OTOA: variants seen among roughly 807,000 people sequenced by gnomAD.
OTOA encodes otoancorin.
A neutral mutation model predicts 110.8 loss-of-function variants in OTOA; 70 were observed. That is an observed-to-expected ratio of 0.63 (90% CI 0.52 to 0.77). The LOEUF (loss-of-function observed/expected upper bound fraction) is 0.77. Ranked by LOEUF, OTOA falls within the 30% of genes least tolerant of loss-of-function variation. The pLI is 0.00. For synonymous variants in OTOA, 373 were observed against 431.5 expected, an observed-to-expected ratio of 0.86 and a Z score of 1.68; for missense variants, 917 against 1,075.8, an observed-to-expected ratio of 0.85 and a Z score of 2.06.
At chr16:21,676,991 G>A (rs773621235) in intron 1 of OTOA, among the ~76,000 whole-genome samples, 3 of 152,256 alleles carry the variant, frequency 2.0e-5, no homozygotes, top group South Asian at 2.1e-4. Context: ...AAGGCAGGAC[G>A]GTTTATCCAT....
At chr16:21,667,391 A>T (rs1966842600) in intron 1 of OTOA, among the ~76,000 whole-genome samples, 1 of 152,158 alleles carries the variant, frequency 6.6e-6, no homozygotes. Flanking sequence ...GCGGTGGCTC[A>T]CGCCTGTAAT....
intron 10 of OTOA, among the ~76,000 whole-genome samples, chr16:21,700,262 A>G (rs1307367063): frequency 6.6e-6 from 1 of 152,220 alleles, no homozygotes; most frequent in African/African-American, 2.4e-5. Flanking sequence ...TCAAAGCAGA[A>G]AGTTTGTGGA....
intron 14 of OTOA, 123 bp downstream of exon 14, chr16:21,715,275 G>A: frequency 1.5e-6 from 2 of 1,358,582 alleles, no homozygotes; most frequent in Admixed American, 1.7e-5. Context: ...GTTGGTGTCT[G>A]GGGTGGCTCT....
At position 21,687,654 on chromosome 16, in the gene OTOA, T is replaced by C; in HGVS notation, c.635+6T>C. 1 of 1,594,522 alleles carries C rather than the reference T, an allele frequency of 6.3e-7. No homozygotes were observed. Among genetic ancestry groups the C allele is most frequent in the Non-Finnish European group, 8.6e-7 (1 of 1,169,042 alleles). On this transcript the variant is annotated splice_donor_region_variant and intron_variant, in intron 8 of 28. Transcript: ENST00000646100. ...GAGGATGCCTTTAAGAACCTGTGAG[T>C]GGTTCCTCCGAACTTTTTTTTTTTT...
intron 11 of OTOA, 106 bp from the exon 12 acceptor site, chr16:21,705,063 C>T (rs769964178): frequency 6.4e-7 from 1 of 1,567,264 alleles, no homozygotes; most frequent in Admixed American, 1.7e-5. Context: ...ACCTGGGAGT[C>T]CGTGGCAACT....
intron 22 of OTOA, among the ~76,000 whole-genome samples, chr16:21,739,522 G>A (rs1899476533): frequency 1.3e-5 from 2 of 152,306 alleles, no homozygotes; most frequent in South Asian, 4.1e-4. Context: ...TGGGGCTCGG[G>A]AAATACCCTG....
intron 9 of OTOA, among the ~76,000 whole-genome samples, chr16:21,692,976 C>CA (rs1177817457): frequency 6.7e-6 from 1 of 149,286 alleles, no homozygotes; most frequent in Non-Finnish European, 1.5e-5. Context: ...AAATTGGGGC[C>CA]AAGTGCGGTG....
chr16:21,666,122 C>T (rs1202378192), intron 1 of OTOA, among the ~76,000 whole-genome samples: 1 of 152,108 alleles, frequency 6.6e-6, no homozygotes, highest in Non-Finnish European at 1.5e-5. Context: ...AAAGCCTGGG[C>T]CTACTGGACT....
rs1478880183 is a variant in OTOA, at chr16:21,705,245, A to T, written c.1057A>T (p.Met353Leu). The change falls in exon 12 of 29, where the codon ATG (methionine) becomes TTG (leucine). Residue 353 changes from methionine to leucine, a missense_variant. By Grantham distance (15) the Met-to-Leu change is conservative. Around this residue, in one of 6 missense-constraint regions of OTOA, gnomAD observed 840 missense variants for 910.2 expected, o/e 0.92. Transcript: ENST00000646100. ...TGTGGCTCAAGTCCTGCTTTACCAG[A>T]TGATCAAGTGCAGCCACCTGAGGGG... Reference protein sequence around the residue: ...ATVAQVLLYQMIKCSHLRGFQ... With the variant: ...ATVAQVLLYQLIKCSHLRGFQ... 3 of 1,614,012 alleles carry T rather than the reference A, an allele frequency of 1.9e-6. No homozygotes were observed. In the African/African-American group the frequency reaches 4.0e-5, roughly 22 times the overall value.
chr16:21,698,984 T>G (rs184941345), intron 10 of OTOA, among the ~76,000 whole-genome samples: 1 of 152,322 alleles, frequency 6.6e-6, no homozygotes, highest in Admixed American at 6.5e-5. Context: ...GGAGTCTCGT[T>G]CTGTCGTCCA....
chr16:21,669,595 A>G lies in OTOA; in HGVS notation c.-5+5363A>G, dbSNP rs774194218. ...ATGGTTTTCCCATCTCCCTCTCTAC[A>G]TGCTCAGGCCAAATCCTTGGCGTTG... On this transcript the variant is annotated intron_variant, in intron 1 of 28. Coordinates refer to ENST00000646100, the MANE Select transcript of OTOA (RefSeq NM_144672.4). Among the ~76,000 whole-genome samples, 3 of 152,014 alleles carry G rather than the reference A, an allele frequency of 2.0e-5. 1 individual carries two copies. Among genetic ancestry groups the G allele is most frequent in the Non-Finnish European group, 4.4e-5 (3 of 67,984 alleles).
At position 21,753,086 on chromosome 16, in the gene OTOA, C is replaced by T. The variant is rs1246016565; in HGVS notation, c.3115C>T (p.Pro1039Ser). 2 of 827,926 alleles carry T rather than the reference C, an allele frequency of 2.4e-6. 1 individual carries two copies. 51.3% of individuals were successfully genotyped at this position (827,926 alleles called of 1,614,324 possible). ...LDKDLMPYFQ[P>S]SAIKCLPDEI... ...CAAGGATTTGATGCCATATTTCCAG[C>T]CATCAGCAATAAAATGCCTTCCTGA... The change falls in exon 27 of 29, where the codon CCA becomes TCA. Residue 1039 changes from proline (P) to serine (S), a missense_variant. Coordinates refer to ENST00000646100, the MANE Select transcript of OTOA (RefSeq NM_144672.4).
chr16:21,705,321 C>G, intron 12 of OTOA, 29 bp downstream of exon 12: 1 of 1,613,102 alleles, frequency 6.2e-7, no homozygotes, highest in Non-Finnish European at 8.5e-7. Context: ...GCCCTGAGGC[C>G]TCTGCCTCAG....
At chr16:21,716,845 C>A (rs1430155246) in intron 14 of OTOA, 62 bp from the exon 15 acceptor site, 6 of 1,600,628 alleles carry the variant, frequency 3.7e-6, no homozygotes, top group East Asian at 2.2e-5. Context: ...TAGTGCCTGG[C>A]CCTTCCTCAA....
intron 21 of OTOA, among the ~76,000 whole-genome samples, chr16:21,731,260 T>C (rs966459057): frequency 3.3e-5 from 5 of 152,264 alleles, no homozygotes; most frequent in African/African-American, 9.6e-5. Context: ...CCTATGCACA[T>C]GCACATGTAT....
chr16:21,667,741 G>A (rs542458907), intron 1 of OTOA, among the ~76,000 whole-genome samples: 15 of 152,298 alleles, frequency 9.8e-5, no homozygotes, highest in African/African-American at 3.6e-4. Flanking sequence ...TGCTATGGTA[G>A]CAGGAAGCTG....
At chr16:21,714,928 C>T (rs1228486354) in intron 13 of OTOA, 57 bp from the exon 14 acceptor site, 17 of 1,609,524 alleles carry the variant, frequency 1.1e-5, no homozygotes, top group Admixed American at 1.7e-5. Context: ...GCTGAGTGCA[C>T]GTTGGAGAGG....
chr16:21,752,070 G>T lies in OTOA; in HGVS notation c.2911G>T (p.Glu971Ter). Reference protein sequence around the residue: ...ITEIPLIKISEFRVVVARIGT... With the variant: ...ITEIPLIKIS ...TGAAATCCCACTTATAAAGATCTCA[G>T]AATTCAGGTAACTAAAATATGAATG... Residue 971 changes from glutamate to a stop codon, truncating the protein, a stop_gained, in exon 25 of 29, where the codon GAA becomes TAA. Transcript: ENST00000646100. LOFTEE classifies it high-confidence loss of function. 3.2e-6 allele frequency: 1 copy of T among 314,376 alleles called. No individual in the cohort carries two copies. Among genetic ancestry groups the T allele is most frequent in the Non-Finnish European group, 6.0e-6 (1 of 167,022 alleles). 19.5% of individuals were successfully genotyped at this position (314,376 alleles called of 1,614,324 possible). A position where few individuals can be genotyped will look rare whatever the true frequency, so the allele number is the denominator to read the frequency against.
At chr16:21,750,256 T>C (rs1281786892) in intron 24 of OTOA, among the ~76,000 whole-genome samples, 4 of 142,824 alleles carry the variant, frequency 2.8e-5, no homozygotes, top group Non-Finnish European at 6.2e-5. Context: ...CTACTAAAAA[T>C]ACAAAAATCA....
Sources: allele counts gnomAD v4.1 joint callset (sites outside exome capture counted in the v4.1 genomes callset), GRCh38; gene constraint gnomAD v4.1.1; regional missense constraint gnomAD v4.1.1; transcripts MANE v1.5; gene names NCBI Gene and HGNC (gene_info 2026-07-23, HGNC 2026-07-21).